Variants in ADAMTSL1 observed in about 807,000 individuals in gnomAD.
The protein encoded by ADAMTSL1 is ADAMTS-like protein 1.
In ADAMTSL1, 126 loss-of-function variants were observed where a neutral mutation model predicts 201.8. The observed-to-expected ratio is 0.62, with a 90% CI of 0.54 to 0.72. The LOEUF (loss-of-function observed/expected upper bound fraction) is 0.72, where lower values mean the gene tolerates loss of function less well. Among genes scored for constraint, ADAMTSL1 ranks in the 30% least tolerant of loss-of-function variants. The pLI, the probability that ADAMTSL1 is intolerant of heterozygous loss-of-function variation, is 0.00. For missense variants in ADAMTSL1, 2,679 were observed against 2,277.8 expected (o/e 1.18, Z -3.59); for synonymous variants, 1,121 against 903.4 (o/e 1.24, Z -4.32).
At position 18,858,832 on chromosome 9, in the gene ADAMTSL1, T is replaced by G. The variant is rs1224938034; in HGVS notation, c.4249+28855T>G. Among the ~76,000 whole-genome samples, 3 of 152,232 alleles carry G rather than the reference T, an allele frequency of 2.0e-5. No individual in the cohort carries two copies. In the East Asian group the frequency reaches 5.8e-4, roughly 29 times the overall value. On this transcript the variant is annotated intron_variant, in intron 23 of 28. Coordinates refer to ENST00000380548, the MANE Select transcript of ADAMTSL1 (RefSeq NM_001040272.6). ...CTTTCTGGTTCAGGGGTATTTAACCTGGGGTCCACAAGCTTTGGGAACTCC... is the reference window on the plus strand; with the variant it reads ...CTTTCTGGTTCAGGGGTATTTAACCGGGGGTCCACAAGCTTTGGGAACTCC...
chr9:18,435,103 T>G (rs1028115998), intron 2 of ADAMTSL1, among the ~76,000 whole-genome samples: 2 of 152,188 alleles, frequency 1.3e-5, no homozygotes, highest in African/African-American at 4.8e-5. Context: ...CAAAAACCAG[T>G]CTGCTCTAGG....
intron 2 of ADAMTSL1, among the ~76,000 whole-genome samples, chr9:18,314,782 CTTTTTTT>C (rs776046209): frequency 1.8e-4 from 9 of 49,846 alleles, no homozygotes; most frequent in South Asian, 2.2e-3. Context: ...CGGCAGCGTG[CTTTTTTT>C]TTTTTTTTTT....
At chr9:17,986,445 C>T (rs941814625) in intron 1 of ADAMTSL1, among the ~76,000 whole-genome samples, 33 of 151,914 alleles carry the variant, frequency 2.2e-4, no homozygotes, top group African/African-American at 7.5e-4. Context: ...GAGAAAGTGG[C>T]AGACATGGTG....
intron 1 of ADAMTSL1, among the ~76,000 whole-genome samples, chr9:18,078,107 G>A (rs1018123445): frequency 6.6e-6 from 1 of 152,224 alleles, no homozygotes; most frequent in Non-Finnish European, 1.5e-5. Flanking sequence ...AAAAGTAGTA[G>A]CATTGCTGGG....
chr9:18,598,614 TA>T (rs894995990), intron 4 of ADAMTSL1, among the ~76,000 whole-genome samples: 12 of 150,204 alleles, frequency 8.0e-5, no homozygotes, highest in East Asian at 1.9e-4. Flanking sequence ...TTGTATTATT[TA>T]AAAAAAAAAT....
At chr9:18,007,547 G>A (rs1819878615) in intron 1 of ADAMTSL1, among the ~76,000 whole-genome samples, 1 of 151,914 alleles carries the variant, frequency 6.6e-6, no homozygotes, top group African/African-American at 2.4e-5. Context: ...AGTATAATTT[G>A]CCGCTTTTGT....
chr9:18,155,943 A>C (rs1289808799), intron 1 of ADAMTSL1, among the ~76,000 whole-genome samples: 1 of 152,048 alleles, frequency 6.6e-6, no homozygotes, highest in Non-Finnish European at 1.5e-5. Flanking sequence ...GGATGCTGGA[A>C]GAGCTATCAG....
intron 2 of ADAMTSL1, among the ~76,000 whole-genome samples, chr9:18,512,879 G>A (rs1249435352): frequency 6.6e-6 from 1 of 152,118 alleles, no homozygotes; most frequent in African/African-American, 2.4e-5. Context: ...CTTTTAAACA[G>A]TATATGCAGT....
intron 5 of ADAMTSL1, among the ~76,000 whole-genome samples, chr9:18,633,087 G>A (rs1223122205): frequency 6.6e-6 from 1 of 152,220 alleles, no homozygotes; most frequent in Admixed American, 6.5e-5. Context: ...AGCAGAGCAA[G>A]AGGGAGGCTG....
chr9:18,460,925 A>T (rs1820784534), intron 2 of ADAMTSL1, among the ~76,000 whole-genome samples: 1 of 152,138 alleles, frequency 6.6e-6, no homozygotes, highest in African/African-American at 2.4e-5. Flanking sequence ...GCTCTTGCAG[A>T]CTCTTTATAA....
At chr9:18,437,682 T>C (rs1819800291) in intron 2 of ADAMTSL1, among the ~76,000 whole-genome samples, 1 of 152,144 alleles carries the variant, frequency 6.6e-6, no homozygotes, top group Non-Finnish European at 1.5e-5. Context: ...GATCATATTA[T>C]ATTTGGCAGT....
intron 1 of ADAMTSL1, among the ~76,000 whole-genome samples, chr9:18,501,705 G>GA (rs1338869291): frequency 2.0e-5 from 3 of 152,116 alleles, no homozygotes; most frequent in African/African-American, 4.8e-5. Context: ...TTAAAAAGCA[G>GA]AAAAATCACT....
chr9:18,522,212 C>A (rs1204358217), intron 2 of ADAMTSL1, among the ~76,000 whole-genome samples: 1 of 152,112 alleles, frequency 6.6e-6, no homozygotes, highest in Non-Finnish European at 1.5e-5. Flanking sequence ...TACCTGGTGA[C>A]AGGATCATCC....
In ADAMTSL1 at chr9:18,228,562, G is replaced by T. The variant is rs539481507; in HGVS notation, c.207+64581G>T. 2.0e-5 allele frequency among the ~76,000 whole-genome samples: 3 copies of T among 152,230 alleles called. No individual in the cohort carries two copies. The South Asian group carries it at 6.2e-4, about 32-fold the overall frequency. ...AGCCTCCTGGGTAGCTGGAACTACAGGCATGCACCACAATGTCCAGCTAAT... is the reference window on the plus strand; with the variant it reads ...AGCCTCCTGGGTAGCTGGAACTACATGCATGCACCACAATGTCCAGCTAAT... On this transcript the variant is annotated intron_variant, in intron 2 of 29. Transcript: ENST00000680146.
chr9:18,155,473 G>A (rs1285963513), intron 1 of ADAMTSL1, among the ~76,000 whole-genome samples: 1 of 151,984 alleles, frequency 6.6e-6, no homozygotes, highest in Non-Finnish European at 1.5e-5. Context: ...TCCAACCTGC[G>A]ACCCATGGGC....
intron 2 of ADAMTSL1, among the ~76,000 whole-genome samples, chr9:18,298,805 CG>C (rs1005717368): frequency 2.0e-5 from 3 of 151,648 alleles, no homozygotes; most frequent in Non-Finnish European, 2.9e-5. Flanking sequence ...GGGCGGATCA[CG>C]AGGTCAGGAG....
At chr9:18,661,422 A>T (rs1482157582) in intron 8 of ADAMTSL1, among the ~76,000 whole-genome samples, 3 of 152,138 alleles carry the variant, frequency 2.0e-5, no homozygotes, top group Admixed American at 2.0e-4. Context: ...TTTGGGCAAA[A>T]ATAATGTTCC....
chr9:18,883,027 T>C (rs57961083), intron 23 of ADAMTSL1, among the ~76,000 whole-genome samples: 12,477 of 147,906 alleles, frequency 0.084, 696 homozygotes, highest in East Asian at 0.15. Context: ...ATAGGTCAGG[T>C]AAGAGCTGGG....
At chr9:17,960,681 G>T (rs76296498) in intron 1 of ADAMTSL1, among the ~76,000 whole-genome samples, 1 of 152,174 alleles carries the variant, frequency 6.6e-6, no homozygotes, top group East Asian at 1.9e-4. Context: ...GGGCAAGAAA[G>T]ATGTTCTTTT....
Sources: gnomAD v4.1 joint callset for allele counts (sites outside exome capture counted in the v4.1 genomes callset) on GRCh38, gnomAD v4.1.1 for gene constraint, MANE v1.5 for transcripts, NCBI Gene and HGNC (gene_info 2026-07-23, HGNC 2026-07-21) for gene names.